TRIM5: variants seen among roughly 807,000 people sequenced by gnomAD.
The protein encoded by TRIM5 is tripartite motif-containing protein 5.
Under a neutral mutation model 35.6 loss-of-function variants are expected in TRIM5, and 31 were observed. The observed-to-expected ratio is 0.87, with a 90% CI of 0.65 to 1.18. The LOEUF (loss-of-function observed/expected upper bound fraction) is 1.18, where lower values mean the gene tolerates loss of function less well. TRIM5 is among the 50% of genes most tolerant of loss of function. The pLI is 0.00. For synonymous variants in TRIM5, 243 were observed against 215.6 expected (o/e 1.13, Z -1.11); for missense variants, 609 against 591.6 (o/e 1.03, Z -0.31).
In TRIM5 at chr11:5,665,692, T is replaced by C; in HGVS notation, c.869-10A>G. ...CGGACATCTGTCAGCTCTGAAATGATAAAAATGCACAATATTGAATACAAA... is the reference window on the plus strand; with the variant it reads ...CGGACATCTGTCAGCTCTGAAATGACAAAAATGCACAATATTGAATACAAA... On this transcript the variant is annotated splice_polypyrimidine_tract_variant and intron_variant, in intron 6 of 7. Transcript: ENST00000380034. 6.6e-7 allele frequency: 1 copy of C among 1,509,596 alleles called. No individual in the cohort carries two copies. Among genetic ancestry groups the C allele is most frequent in the African/African-American group, 1.4e-5 (1 of 71,294 alleles). 93.5% of individuals were successfully genotyped at this position (1,509,596 alleles called of 1,614,324 possible). A position where few individuals can be genotyped will look rare whatever the true frequency, so the allele number is the denominator to read the frequency against.
At chr11:5,648,580 C>G in the TRIM5 span, among the ~76,000 whole-genome samples, 1 of 152,100 alleles carries the variant, frequency 6.6e-6, no homozygotes, top group Non-Finnish European at 1.5e-5. Context: ...ACATTTCCCC[C>G]AGTCCCTGAG....
the TRIM5 span, among the ~76,000 whole-genome samples, chr11:5,617,297 C>T: frequency 6.9e-6 from 1 of 144,320 alleles, no homozygotes; most frequent in African/African-American, 2.5e-5. Context: ...CTCAGCTAAG[C>T]ATTGGCCTTT....
At chr11:5,592,774 C>T in the TRIM5 span, among the ~76,000 whole-genome samples, 29,318 of 151,234 alleles carry the variant, frequency 0.19, 2,960 homozygotes, top group Middle Eastern at 0.31. Context: ...AAAATTTACC[C>T]GGCACGGTGG....
At chr11:5,674,151 A>T (rs375825061) in intron 4 of TRIM5, among the ~76,000 whole-genome samples, 1 of 152,312 alleles carries the variant, frequency 6.6e-6, no homozygotes, top group African/African-American at 2.4e-5. Context: ...AAAAAAAGGG[A>T]GAGAAAACAA....
At chr11:5,614,686 T>C in the TRIM5 span, among the ~76,000 whole-genome samples, 1 of 152,332 alleles carries the variant, frequency 6.6e-6, no homozygotes, top group Non-Finnish European at 1.5e-5. Flanking sequence ...GTTCTAGACA[T>C]GTGGTATAGT....
At chr11:5,632,391 G>T in the TRIM5 span, 1 of 1,614,070 alleles carries the variant, frequency 6.2e-7, no homozygotes, top group Non-Finnish European at 8.5e-7. Context: ...TCTGCCTGGA[G>T]CTGTTGACAG....
intron 4 of TRIM5, among the ~76,000 whole-genome samples, chr11:5,671,037 G>A (rs141556043): frequency 1.3e-5 from 2 of 151,972 alleles, no homozygotes; most frequent in Non-Finnish European, 2.9e-5. Context: ...ACCAGCCTGG[G>A]CAACATGGTG....
chr11:5,611,138 C>T, the TRIM5 span: 63 of 1,614,008 alleles, frequency 3.9e-5, no homozygotes, highest in African/African-American at 1.3e-5. Flanking sequence ...CTTCCCCTTC[C>T]CTGCTTCTCT....
chr11:5,631,917 G>C, the TRIM5 span, among the ~76,000 whole-genome samples: 36,287 of 152,038 alleles, frequency 0.24, 4,742 homozygotes, highest in East Asian at 0.46. Flanking sequence ...AAGAAAGATG[G>C]CAAATGTACA....
intron 1 of TRIM5, among the ~76,000 whole-genome samples, chr11:5,683,473 G>C (rs958311243): frequency 4.6e-5 from 7 of 151,930 alleles, no homozygotes; most frequent in African/African-American, 1.7e-4. Flanking sequence ...TGCACCAATC[G>C]ACACTCTATA....
chr11:5,655,639 T>A, the TRIM5 span: 2 of 985,174 alleles, frequency 2.0e-6, no homozygotes, highest in African/African-American at 3.5e-5. Context: ...CTCCTCAGCG[T>A]CAGTAAGGAA....
At chr11:5,678,078 A>T in intron 4 of TRIM5, 126 bp downstream of exon 4, 1 of 714,728 alleles carries the variant, frequency 1.4e-6, no homozygotes, top group Non-Finnish European at 2.2e-6. Context: ...TAACTTCAGC[A>T]ATTGATTCAG....
At chr11:5,666,347 T>C in intron 5 of TRIM5, 2 of 475,742 alleles carry the variant, frequency 4.2e-6, no homozygotes, top group Non-Finnish European at 7.7e-6. Context: ...AATTAACCTC[T>C]CCCTGTCTAC....
rs1564905776 is a variant in TRIM5, at chr11:5,665,232, A to G, written c.1059T>C (p.Ser353=). ...CCCAGTAATGTTTCCCTGATGTGAT[A>G]CTTTGAGAGCCCAGGATGCCAGTAC... ...NYCTGILGSQ[S]ITSGKHYWEV... The change falls in exon 8 of 8, where the codon AGT becomes AGC. Residue 353 remains serine, a synonymous_variant. Transcript: ENST00000380034. The G allele has an allele frequency of 2.5e-6, 4 of 1,614,204 alleles. No homozygotes were observed.
chr11:5,603,429 C>G, the TRIM5 span: 1 of 1,614,104 alleles, frequency 6.2e-7, no homozygotes, highest in East Asian at 2.2e-5. Flanking sequence ...AAGCCTGCAT[C>G]ACACCAAATG....
At chr11:5,656,879 C>G in the TRIM5 span, among the ~76,000 whole-genome samples, 1 of 152,214 alleles carries the variant, frequency 6.6e-6, no homozygotes, top group East Asian at 1.9e-4. Flanking sequence ...TAAATTGGTT[C>G]GACCATTGTG....
chr11:5,671,052 C>G (rs561516475), intron 4 of TRIM5, among the ~76,000 whole-genome samples: 1 of 152,022 alleles, frequency 6.6e-6, no homozygotes, highest in East Asian at 1.9e-4. Context: ...ATGGTGAAAT[C>G]CCATCTCTAC....
At position 5,682,369 on chromosome 11, in the gene TRIM5, C is replaced by T. The variant is rs544248355; in HGVS notation, c.-61-2131G>A. ...TCTGCTTTTGGGGGGCAGATACGGCCCACGGAGAGGGAGGAGCAAGGTTAA... is the reference window on the plus strand; with the variant it reads ...TCTGCTTTTGGGGGGCAGATACGGCTCACGGAGAGGGAGGAGCAAGGTTAA... On this transcript the variant is annotated intron_variant, in intron 1 of 7. Transcript: ENST00000380034. Among the ~76,000 whole-genome samples the T allele has an allele frequency of 3.9e-5, 6 of 152,150 alleles. No homozygotes were observed. The East Asian group carries it at 1.2e-3, about 30-fold the overall frequency.
rs550593633 is a variant in TRIM5 at position 5,682,638 on chromosome 11, T to C, written c.-62+2230A>G. Among the ~76,000 whole-genome samples, 8 of 152,342 alleles carry C rather than the reference T, an allele frequency of 5.3e-5. No homozygotes were observed. The East Asian group carries it at 1.5e-3, about 29-fold the overall frequency. On this transcript the variant is annotated intron_variant, in intron 1 of 7. Coordinates refer to ENST00000380034, the MANE Select transcript of TRIM5 (RefSeq NM_033034.3). ...GAAATTAGACCCCCGAACCAGCGTA[T>C]ATACTGGAACTGACAATCCCTAATT...
Sources: allele counts gnomAD v4.1 joint callset (sites outside exome capture counted in the v4.1 genomes callset), GRCh38; gene constraint gnomAD v4.1.1; transcripts MANE v1.5; gene names NCBI Gene and HGNC (gene_info 2026-07-23, HGNC 2026-07-21).